The following ARHGAP5 variants were observed in gnomAD, a reference collection of about 807,000 sequenced individuals.
The protein encoded by ARHGAP5 is rho GTPase-activating protein 5.
A neutral mutation model predicts 116.6 loss-of-function variants in ARHGAP5; 23 were observed. The ratio of observed to expected loss-of-function variants is 0.20; its 90% CI spans 0.14 to 0.28. The LOEUF (loss-of-function observed/expected upper bound fraction) is 0.28, where lower values mean the gene tolerates loss of function less well. Among genes scored for constraint, ARHGAP5 ranks in the 10% least tolerant of loss-of-function variants. The pLI is 1.00. For missense variants in ARHGAP5, 1,405 were observed against 1,774.8 expected (o/e 0.79, Z 3.74); for synonymous variants, 574 against 602.0 (o/e 0.95, Z 0.68).
chr14:32,124,610 T>C (rs1450463565), intron 3 of ARHGAP5, among the ~76,000 whole-genome samples: 5 of 152,152 alleles, frequency 3.3e-5, no homozygotes, highest in Non-Finnish European at 7.4e-5. Context: ...GATTGCTCTG[T>C]TAGGGTGACC....
intron 2 of ARHGAP5, among the ~76,000 whole-genome samples, chr14:32,116,582 G>A (rs1030150049): frequency 6.6e-6 from 1 of 152,112 alleles, no homozygotes; most frequent in Non-Finnish European, 1.5e-5. Context: ...GACAGAGTGA[G>A]ACTCCATCTC....
At chr14:32,082,689 G>A (rs914463146) in intron 1 of ARHGAP5, among the ~76,000 whole-genome samples, 6 of 152,156 alleles carry the variant, frequency 3.9e-5, no homozygotes, top group East Asian at 1.9e-4. Context: ...ACAGGCACAC[G>A]CCATCACGCC....
In ARHGAP5 at chr14:32,091,874, T is replaced by C. The variant is rs752807548; in HGVS notation, c.1205T>C (p.Phe402Ser). 6.2e-7 allele frequency: 1 copy of C among 1,613,588 alleles called. No homozygotes were observed. The highest frequency in any genetic ancestry group is 8.5e-7 in the Non-Finnish European group (1 of 1,179,642). Reference sequence around the variant, plus strand: ...AAAATTAATGATAGGCGGATTCCATTTGACCTCCTGAGCACTTTAGAAGCT... The same window carrying C: ...AAAATTAATGATAGGCGGATTCCATCTGACCTCCTGAGCACTTTAGAAGCT... ...IDKINDRRIP[F>S]DLLSTLEAEK... The change falls in exon 2 of 7, where the codon TTT (phenylalanine) becomes TCT (serine). Residue 402 changes from phenylalanine to serine, a missense_variant. By Grantham distance (155) the Phe-to-Ser change is radical. Transcript: ENST00000345122.
chr14:32,127,987 GCGCT>G (rs1880268701), intron 3 of ARHGAP5, among the ~76,000 whole-genome samples: 1 of 150,090 alleles, frequency 6.7e-6, no homozygotes, highest in African/African-American at 2.5e-5. Flanking sequence ...CCGGGCAGAG[GCGCT>G]CCTCACCTCC....
At chr14:32,130,337 G>A (rs1880411250) in intron 3 of ARHGAP5, among the ~76,000 whole-genome samples, 1 of 147,380 alleles carries the variant, frequency 6.8e-6, no homozygotes, top group African/African-American at 2.5e-5. Context: ...TCAGACTCCT[G>A]AGTAGCTGGG....
chr14:32,146,043 G>A (rs1054675593), intron 3 of ARHGAP5, among the ~76,000 whole-genome samples: 2 of 151,880 alleles, frequency 1.3e-5, no homozygotes, highest in East Asian at 1.9e-4. Context: ...TGAGTAGCTG[G>A]GGCTACAGGT....
At chr14:32,090,132 A>G (rs1189360334) in intron 1 of ARHGAP5, among the ~76,000 whole-genome samples, 2 of 151,990 alleles carry the variant, frequency 1.3e-5, no homozygotes. Flanking sequence ...CAACTAGTAC[A>G]TTTTAGTTAT....
chr14:32,101,760 G>T (rs753934268), intron 2 of ARHGAP5, among the ~76,000 whole-genome samples: 20 of 152,090 alleles, frequency 1.3e-4, no homozygotes, highest in Middle Eastern at 3.2e-3. Flanking sequence ...AAGGCAGGCA[G>T]ATCACTTGAG....
At position 32,154,603 on chromosome 14, in the gene ARHGAP5, T is replaced by TC; in HGVS notation, c.4182-18_4182-17insC. ...ATGAGTTTTGATTTCTAAATGTTTTTTCCTTTCATAATTTCAGGGTTAGTC... is the reference window on the plus strand; with the variant it reads ...ATGAGTTTTGATTTCTAAATGTTTTTCTCCTTTCATAATTTCAGGGTTAGTC... On this transcript the variant is annotated splice_polypyrimidine_tract_variant and intron_variant, in intron 6 of 6. Transcript: ENST00000345122. 1 of 1,555,428 alleles carries TC rather than the reference T, an allele frequency of 6.4e-7. No individual in the cohort carries two copies. Among genetic ancestry groups the TC allele is most frequent in the Non-Finnish European group, 8.8e-7 (1 of 1,141,396 alleles).
At chr14:32,082,769 A>T (rs1322602048) in intron 1 of ARHGAP5, among the ~76,000 whole-genome samples, 1 of 152,154 alleles carries the variant, frequency 6.6e-6, no homozygotes, top group Non-Finnish European at 1.5e-5. Context: ...CGACCTCCTG[A>T]CCTCAAGTGA....
At chr14:32,116,158 G>A (rs1295152735) in intron 2 of ARHGAP5, among the ~76,000 whole-genome samples, 3 of 150,900 alleles carry the variant, frequency 2.0e-5, no homozygotes, top group East Asian at 3.9e-4. Context: ...GTGGTGGCGG[G>A]CGCCTGTAGT....
At position 32,091,043 on chromosome 14, in the gene ARHGAP5, A is replaced by T. The variant is rs774431465; in HGVS notation, c.374A>T (p.Gln125Leu). ...YIKRAAASKL[Q>L]SAEKLMYICT... ...AAACGTGCAGCTGCATCTAAATTGC[A>T]GTCAGCAGAAAAACTAATGTACATT... Residue 125 changes from glutamine (Q) to leucine (L), a missense_variant, in exon 2 of 7, where the codon CAG becomes CTG. Around this residue, in one of 6 missense-constraint regions of ARHGAP5, gnomAD observed 190 missense variants for 314.9 expected, o/e 0.60. Transcript: ENST00000345122. 6.2e-7 allele frequency: 1 copy of T among 1,613,566 alleles called. No individual in the cohort carries two copies. Among genetic ancestry groups the T allele is most frequent in the African/African-American group, 1.3e-5 (1 of 74,908 alleles).
intron 1 of ARHGAP5, among the ~76,000 whole-genome samples, chr14:32,085,040 C>A (rs1174368663): frequency 6.8e-6 from 1 of 147,710 alleles, no homozygotes; most frequent in Non-Finnish European, 1.5e-5. Flanking sequence ...ATGAGTTACT[C>A]TCCTACAGGT....
chr14:32,136,533 A>G (rs114684644), intron 3 of ARHGAP5, among the ~76,000 whole-genome samples: 4,374 of 152,156 alleles, frequency 0.029, 199 homozygotes, highest in African/African-American at 0.098. Context: ...GATTGTTTTC[A>G]TTCTTTTGGC....
chr14:32,103,814 A>G (rs1878894616), intron 2 of ARHGAP5, among the ~76,000 whole-genome samples: 1 of 152,166 alleles, frequency 6.6e-6, no homozygotes, highest in Non-Finnish European at 1.5e-5. Flanking sequence ...TGACTTTTAA[A>G]GAAGAGAAAC....
chr14:32,077,524 C>T (rs906279224), intron 1 of ARHGAP5, 89 bp downstream of exon 1: 1 of 642,810 alleles, frequency 1.6e-6, no homozygotes, highest in Admixed American at 2.4e-5. Context: ...GCTCGGTCGC[C>T]GCTGCCGGTT....
chr14:32,084,289 C>G (rs2041807248), intron 1 of ARHGAP5, among the ~76,000 whole-genome samples: 1 of 152,178 alleles, frequency 6.6e-6, no homozygotes, highest in African/African-American at 2.4e-5. Flanking sequence ...GTACTGCCTA[C>G]TTGGACCCTC....
intron 2 of ARHGAP5, among the ~76,000 whole-genome samples, chr14:32,111,814 C>A (rs895237649): frequency 1.4e-5 from 2 of 145,026 alleles, no homozygotes; most frequent in African/African-American, 5.1e-5. Flanking sequence ...ATTTACATTT[C>A]ATCTGTTGTC....
intron 3 of ARHGAP5, among the ~76,000 whole-genome samples, chr14:32,131,647 A>G (rs931928697): frequency 2.0e-4 from 30 of 152,128 alleles, no homozygotes; most frequent in African/African-American, 6.5e-4. Context: ...GGTTTGTTAC[A>G]TATGTATACA....
Sources: allele counts gnomAD v4.1 joint callset (sites outside exome capture counted in the v4.1 genomes callset), GRCh38; gene constraint gnomAD v4.1.1; regional missense constraint gnomAD v4.1.1; transcripts MANE v1.5; gene names NCBI Gene and HGNC (gene_info 2026-07-23, HGNC 2026-07-21).